Variants in LPP observed in about 807,000 individuals in gnomAD.
The protein encoded by LPP is LIM domain containing preferred translocation partner in lipoma, also known as lipoma-preferred partner.
In LPP, 38 loss-of-function variants were observed where a neutral mutation model predicts 60.4. The ratio of observed to expected loss-of-function variants is 0.63; its 90% CI spans 0.49 to 0.83. The LOEUF is 0.83. Among genes scored for constraint, LPP ranks in the 40% least tolerant of loss-of-function variants. The probability of loss-of-function intolerance (pLI) is 0.00; values close to 1 mark genes in which losing one functional copy is unlikely to be tolerated. For missense variants in LPP, 902 were observed against 783.6 expected (o/e 1.15, Z -1.80); for synonymous variants, 328 against 290.8 (o/e 1.13, Z -1.30).
intron 6 of LPP, among the ~76,000 whole-genome samples, chr3:188,592,557 G>GTTGTTTGTTTTTTTTTTTTTTTTTTTTT (rs1553936334): frequency 2.3e-5 from 2 of 85,756 alleles, no homozygotes; most frequent in Admixed American, 2.6e-4. Context: ...TTTTGTTTTT[G>GTTGTTTGTTTTTTTTTTTTTTTTTTTTT]TTTTTTAAAT....
intron 1 of LPP, among the ~76,000 whole-genome samples, chr3:188,215,019 T>A (rs1395838003): frequency 6.6e-6 from 1 of 152,100 alleles, no homozygotes; most frequent in Non-Finnish European, 1.5e-5. Flanking sequence ...AAGAGTACAG[T>A]TCAAGCCTGG....
intron 8 of LPP, 107 bp from the exon 9 acceptor site, chr3:188,760,006 G>T (rs1309659431): frequency 2.3e-6 from 2 of 878,286 alleles, no homozygotes; most frequent in African/African-American, 1.7e-5. Flanking sequence ...GGCAGGAGTG[G>T]TGGTTCTATT....
In LPP at chr3:188,890,359, T is replaced by C. The variant is rs1578145575; in HGVS notation, c.*15880T>C. ...AGGTTTCTCTTTTTTCTTGTATTCT[T>C]AGCAAATTGCATTTATTCACTACAT... is the stretch of plus-strand genomic sequence containing the variant. On this transcript the variant is annotated 3_prime_UTR_variant, in exon 12 of 12. Coordinates refer to ENST00000617246, the MANE Select transcript of LPP (RefSeq NM_001375462.1). The C allele has an allele frequency of 4.9e-6, 1 of 203,932 alleles. No individual in the cohort carries two copies. The highest frequency in any genetic ancestry group is 7.6e-5 in the East Asian group (1 of 13,194). 12.6% of individuals were successfully genotyped at this position (203,932 alleles called of 1,614,324 possible).
chr3:188,636,501 A>G (rs1189535635), intron 7 of LPP, among the ~76,000 whole-genome samples: 2 of 152,272 alleles, frequency 1.3e-5, no homozygotes, highest in South Asian at 4.1e-4. Context: ...CATTGCCCAG[A>G]CTTGCTTAGG....
intron 5 of LPP, among the ~76,000 whole-genome samples, chr3:188,500,596 T>C (rs1811539873): frequency 6.6e-6 from 1 of 152,164 alleles, no homozygotes; most frequent in African/African-American, 2.4e-5. Context: ...TGTTTCCTTC[T>C]TTTTAATTTT....
Position 188,331,653 on chromosome 3 carries a change from C to G in LPP, c.-66-10010C>G, listed in dbSNP as rs1235409248. Among the ~76,000 whole-genome samples the G allele has an allele frequency of 2.0e-5, 3 of 152,168 alleles. No individual in the cohort carries two copies. The East Asian group carries it at 5.8e-4, about 29-fold the overall frequency. ...ATAGAAGGCTTTGGATGCTCATCCT[C>G]TTGGTGCTTTCCCCATTTCTACATC... On this transcript the variant is annotated intron_variant, in intron 2 of 11. Coordinates refer to ENST00000617246, the MANE Select transcript of LPP (RefSeq NM_001375462.1).
rs1005247932 is a variant in LPP, at chr3:188,154,234, C to T, written c.-208C>T. On this transcript the variant is annotated 5_prime_UTR_variant, in exon 1 of 12. Transcript: ENST00000617246. ...GCCGCCACCACCACCGCCGCTGCCC[C>T]GGCTGCCTCCTCCCTGAGGTATTGT... 2.6e-5 allele frequency among the ~76,000 whole-genome samples: 4 copies of T among 152,016 alleles called. No individual in the cohort carries two copies. Among genetic ancestry groups the T allele is most frequent in the Non-Finnish European group, 5.9e-5 (4 of 67,966 alleles).
At chr3:188,341,504 C>T (rs1046674981) in intron 2 of LPP, among the ~76,000 whole-genome samples, 159 bp from the exon 3 acceptor site, 1 of 152,198 alleles carries the variant, frequency 6.6e-6, no homozygotes, top group African/African-American at 2.4e-5. Flanking sequence ...ATCATCTCTT[C>T]CTGCTTCTTC....
intron 1 of LPP, among the ~76,000 whole-genome samples, chr3:188,192,041 G>A (rs1196132417): frequency 1.3e-5 from 2 of 152,086 alleles, no homozygotes; most frequent in South Asian, 4.1e-4. Flanking sequence ...TAAACTATTT[G>A]GCAATGAGTA....
intron 9 of LPP, among the ~76,000 whole-genome samples, chr3:188,795,692 ATCATCATCATCATCATCG>A (rs1272276014): frequency 6.6e-6 from 1 of 151,828 alleles, no homozygotes; most frequent in Non-Finnish European, 1.5e-5. Flanking sequence ...TCATGCTTTC[ATCATCATCATCATCATCG>A]TCATCATCAT....
At chr3:188,605,047 A>AATTG (rs1195144573) in intron 6 of LPP, among the ~76,000 whole-genome samples, 31 of 152,298 alleles carry the variant, frequency 2.0e-4, no homozygotes, top group African/African-American at 7.2e-4. Context: ...ATGTATCTCA[A>AATTG]AGAGAGGTAG....
At chr3:188,275,013 C>A (rs1037626473) in intron 2 of LPP, among the ~76,000 whole-genome samples, 1 of 152,144 alleles carries the variant, frequency 6.6e-6, no homozygotes, top group East Asian at 1.9e-4. Context: ...AAATTTAGTT[C>A]TAAATCCTGT....
At chr3:188,240,885 A>G (rs1724345304) in intron 2 of LPP, among the ~76,000 whole-genome samples, 1 of 152,324 alleles carries the variant, frequency 6.6e-6, no homozygotes, top group Non-Finnish European at 1.5e-5. Flanking sequence ...TAATGCTCTG[A>G]AAAAGTTCCG....
chr3:188,375,672 AT>A (rs1392884611), intron 3 of LPP, among the ~76,000 whole-genome samples: 2 of 151,938 alleles, frequency 1.3e-5, no homozygotes, highest in Non-Finnish European at 2.9e-5. Context: ...GGATTCATTA[AT>A]TTTTTGAAGG....
intron 3 of LPP, among the ~76,000 whole-genome samples, chr3:188,393,078 C>T (rs1780084349): frequency 6.7e-6 from 1 of 149,998 alleles, no homozygotes; most frequent in African/African-American, 2.5e-5. Context: ...TATTGTCCTT[C>T]TAGTACTTGT....
chr3:188,673,181 G>A lies in LPP; in HGVS notation c.1114-35086G>A, dbSNP rs575983388. Among the ~76,000 whole-genome samples the A allele has an allele frequency of 9.2e-5, 14 of 152,126 alleles. No individual in the cohort carries two copies. In the South Asian group the frequency reaches 2.1e-3, roughly 23 times the overall value. On this transcript the variant is annotated intron_variant, in intron 7 of 11. Coordinates refer to ENST00000617246, the MANE Select transcript of LPP (RefSeq NM_001375462.1). ...TAAAAGAAAGCTTATTTCCAGTCAC[G>A]AGAAGTTAAATGTGAGCTGGGCAGA...
At chr3:188,368,680 T>TCACACACACACACACACA (rs1442170326) in intron 3 of LPP, among the ~76,000 whole-genome samples, 2 of 95,290 alleles carry the variant, frequency 2.1e-5, no homozygotes, top group Non-Finnish European at 4.2e-5. Flanking sequence ...ACACACACAC[T>TCACACACACACACACACA]CTCACACACA....
At chr3:188,697,818 T>A (rs1863583918) in intron 7 of LPP, among the ~76,000 whole-genome samples, 3 of 151,816 alleles carry the variant, frequency 2.0e-5, no homozygotes. Flanking sequence ...TAACATATAC[T>A]GGCCCTTTTG....
chr3:188,537,182 C>A (rs750520537), intron 6 of LPP, among the ~76,000 whole-genome samples: 189 of 152,040 alleles, frequency 1.2e-3, no homozygotes, highest in Non-Finnish European at 1.3e-3. Flanking sequence ...ATGAGATCTC[C>A]CAACCAGGAA....
Sources: gnomAD v4.1 joint callset for allele counts (sites outside exome capture counted in the v4.1 genomes callset) on GRCh38, gnomAD v4.1.1 for gene constraint, MANE v1.5 for transcripts, NCBI Gene and HGNC (gene_info 2026-07-23, HGNC 2026-07-21) for gene names.